Variants in ITSN1 observed in about 807,000 individuals in gnomAD.
ITSN1 encodes the protein intersectin 1.
In ITSN1, 58 loss-of-function variants were observed where a neutral mutation model predicts 239.8. That is an observed-to-expected ratio of 0.24 (90% CI 0.20 to 0.30). The LOEUF (loss-of-function observed/expected upper bound fraction) is 0.30, where lower values mean the gene tolerates loss of function less well. Among genes scored for constraint, ITSN1 ranks in the 10% least tolerant of loss-of-function variants. ITSN1 has a pLI of 1.00. For synonymous variants in ITSN1, 780 were observed against 770.8 expected, an observed-to-expected ratio of 1.01 and a Z score of -0.20; for missense variants, 1,558 against 2,103.3, an observed-to-expected ratio of 0.74 and a Z score of 5.07.
At chr21:33,664,266 A>G (rs989739229) in intron 1 of ITSN1, among the ~76,000 whole-genome samples, 11 of 152,174 alleles carry the variant, frequency 7.2e-5, no homozygotes, top group Non-Finnish European at 1.6e-4. Flanking sequence ...TGTGGATGTG[A>G]AGAAACTGGA....
At position 33,897,178 on chromosome 21, in the gene ITSN1, C is replaced by G. The variant is rs1430855353; in HGVS notation, c.*8878C>G. ...TATGTTAATGCTACTTAATTTTAGA[C>G]ATGCATTTAAAGCCTACATGGCCAA... On this transcript the variant is annotated 3_prime_UTR_variant, in exon 40 of 40. Transcript: ENST00000381318. 1.3e-5 allele frequency: 2 copies of G among 152,240 alleles called. No individual in the cohort carries two copies. The highest frequency in any genetic ancestry group is 1.9e-4 in the East Asian group (1 of 5,202). 9.4% of individuals were successfully genotyped at this position (152,240 alleles called of 1,614,324 possible).
Position 33,885,144 on chromosome 21 carries a change from G to T in ITSN1, c.4759+21G>T, listed in dbSNP as rs892381654. ...CCTGGGTAATGCATGGCCCCGCGGG[G>T]TGTCCTGCACAGCTGGGCAGGAGGG... On this transcript the variant is annotated intron_variant, in intron 37 of 39. Transcript: ENST00000381318. The T allele has an allele frequency of 1.9e-6, 3 of 1,601,674 alleles. No homozygotes were observed. The African/African-American group carries it at 4.0e-5, about 21-fold the overall frequency.
chr21:33,861,270 C>T (rs141484027), intron 31 of ITSN1, among the ~76,000 whole-genome samples: 1 of 152,042 alleles, frequency 6.6e-6, no homozygotes, highest in African/African-American at 2.4e-5. Context: ...GAGGGGAGAT[C>T]GAGGGCTCCT....
chr21:33,828,502 G>A (rs1250526214), intron 26 of ITSN1, among the ~76,000 whole-genome samples: 4 of 152,258 alleles, frequency 2.6e-5, no homozygotes, highest in African/African-American at 9.6e-5. Context: ...AACAGAATGA[G>A]AGCGGCTTGC....
At position 33,867,304 on chromosome 21, in the gene ITSN1, A is replaced by G. The variant is rs147533088; in HGVS notation, c.4146A>G (p.Val1382=). Residue 1382 remains valine, a synonymous_variant, in exon 33 of 40, where the codon GTA becomes GTG. Coordinates refer to ENST00000381318, the MANE Select transcript of ITSN1 (RefSeq NM_003024.3). ...SSFILKPMQR[V]TRYPLIIKNI... Reference sequence around the variant, plus strand: ...TTATACTGAAGCCTATGCAACGGGTAACAAGATACCCACTGATCATTAAAA... The same window carrying G: ...TTATACTGAAGCCTATGCAACGGGTGACAAGATACCCACTGATCATTAAAA... The G allele has an allele frequency of 3.9e-4, 621 of 1,607,668 alleles. 4 individuals are homozygous for G. The African/African-American group carries it at 6.4e-3, about 17-fold the overall frequency.
chr21:33,766,145 C>G (rs1448845863), intron 10 of ITSN1, 133 bp downstream of exon 10: 2 of 892,930 alleles, frequency 2.2e-6, no homozygotes, highest in South Asian at 1.7e-5. Context: ...TCTAGAGACT[C>G]TCATCTAGGT....
chr21:33,868,486 G>C (rs897950027), intron 33 of ITSN1, among the ~76,000 whole-genome samples: 1 of 152,236 alleles, frequency 6.6e-6, no homozygotes, highest in African/African-American at 2.4e-5. Context: ...AAGGCCCGCT[G>C]AGAAATCGAG....
At chr21:33,869,391 C>G (rs1456717032) in intron 33 of ITSN1, among the ~76,000 whole-genome samples, 1 of 152,224 alleles carries the variant, frequency 6.6e-6, no homozygotes, top group Non-Finnish European at 1.5e-5. Context: ...CTCACTCTCA[C>G]TAGAACAGGA....
chr21:33,763,484 C>A (rs1299831588), intron 9 of ITSN1, among the ~76,000 whole-genome samples: 1 of 152,064 alleles, frequency 6.6e-6, no homozygotes, highest in Non-Finnish European at 1.5e-5. Flanking sequence ...CATCTGTGGC[C>A]ACTACTCACT....
At chr21:33,733,823 C>G (rs1601902912) in intron 4 of ITSN1, among the ~76,000 whole-genome samples, 1 of 152,314 alleles carries the variant, frequency 6.6e-6, no homozygotes, top group Admixed American at 6.5e-5. Context: ...AAGGTTTCTG[C>G]AACCACAGAG....
Position 33,767,878 on chromosome 21 carries a change from G to A in ITSN1, c.1042+50G>A, listed in dbSNP as rs1476399140. 6.7e-6 allele frequency: 7 copies of A among 1,038,054 alleles called. No individual in the cohort carries two copies. In the African/African-American group the frequency reaches 1.1e-4, roughly 17 times the overall value. 64.3% of individuals were successfully genotyped at this position (1,038,054 alleles called of 1,614,324 possible). A position where few individuals can be genotyped will look rare whatever the true frequency, so the allele number is the denominator to read the frequency against. Reference sequence around the variant, plus strand: ...AAATCATTTAGATTAAACGAAATTAGAGATTTCCTATCTCTAAGACAAAGA... The same window carrying A: ...AAATCATTTAGATTAAACGAAATTAAAGATTTCCTATCTCTAAGACAAAGA... On this transcript the variant is annotated intron_variant, in intron 11 of 39. Transcript: ENST00000381318.
rs763048674 is a variant in ITSN1, at chr21:33,818,399, G to T, written c.2860G>T (p.Val954Phe). 6.2e-7 allele frequency: 1 copy of T among 1,614,214 alleles called. No individual in the cohort carries two copies. Among genetic ancestry groups the T allele is most frequent in the Non-Finnish European group, 8.5e-7 (1 of 1,180,042 alleles). The change falls in exon 23 of 40, where the codon GTT becomes TTT. Residue 954 changes from valine to phenylalanine, a missense_variant. By Grantham distance (50) the Val-to-Phe change is conservative (BLOSUM62 -1). Around this residue, in one of 2 missense-constraint regions of ITSN1, gnomAD observed 982 missense variants for 1,209.9 expected, o/e 0.81. Coordinates refer to ENST00000381318, the MANE Select transcript of ITSN1 (RefSeq NM_003024.3). ...GCAAGACATGTGGTGGTTTGGAGAA[G>T]TTCAAGGTCAGAAGGGTTGGTTCCC... ...EQQDMWWFGE[V>F]QGQKGWFPKS...
At chr21:33,877,319 G>C (rs1028441417) in intron 34 of ITSN1, among the ~76,000 whole-genome samples, 3 of 152,078 alleles carry the variant, frequency 2.0e-5, no homozygotes, top group African/African-American at 7.2e-5. Flanking sequence ...CTCCCAAAGT[G>C]CTGGGATTAC....
chr21:33,895,394 C>T lies in ITSN1; in HGVS notation c.*7094C>T, dbSNP rs551422508. The T allele has an allele frequency of 1.7e-4, 26 of 152,080 alleles. No individual in the cohort carries two copies. Among genetic ancestry groups the T allele is most frequent in the Non-Finnish European group, 3.4e-4 (23 of 68,184 alleles). 9.4% of individuals were successfully genotyped at this position (152,080 alleles called of 1,614,324 possible). A position where few individuals can be genotyped will look rare whatever the true frequency, so the allele number is the denominator to read the frequency against. ...AATTTTTGTTGGTGGGACGCAGCAGCTCAGTGCGTGGTGTGTGCATGCGTG... is the reference window on the plus strand; with the variant it reads ...AATTTTTGTTGGTGGGACGCAGCAGTTCAGTGCGTGGTGTGTGCATGCGTG... On this transcript the variant is annotated 3_prime_UTR_variant, in exon 40 of 40. Coordinates refer to ENST00000381318, the MANE Select transcript of ITSN1 (RefSeq NM_003024.3).
At chr21:33,669,712 A>C (rs565011575) in intron 1 of ITSN1, among the ~76,000 whole-genome samples, 85 of 152,128 alleles carry the variant, frequency 5.6e-4, no homozygotes, top group African/African-American at 2.0e-3. Context: ...AAGTGCTGGG[A>C]TTACAGGCGT....
intron 29 of ITSN1, among the ~76,000 whole-genome samples, chr21:33,853,758 C>A (rs957592211): frequency 2.0e-5 from 3 of 152,208 alleles, no homozygotes; most frequent in African/African-American, 7.2e-5. Flanking sequence ...TTTAGCAGCC[C>A]TGGCCAGCCT....
intron 11 of ITSN1, among the ~76,000 whole-genome samples, chr21:33,770,018 A>T (rs947820956): frequency 1.3e-5 from 2 of 150,728 alleles, no homozygotes; most frequent in African/African-American, 4.9e-5. Context: ...TTTTATAAGG[A>T]TATTAATTTA....
chr21:33,762,490 C>G (rs1238137086), intron 9 of ITSN1, among the ~76,000 whole-genome samples: 1 of 151,968 alleles, frequency 6.6e-6, no homozygotes, highest in Non-Finnish European at 1.5e-5. Context: ...GTCTTGAACT[C>G]CCAACCTCAG....
At chr21:33,750,051 A>G in intron 5 of ITSN1, 92 bp from the exon 6 acceptor site, 1 of 1,160,702 alleles carries the variant, frequency 8.6e-7, no homozygotes, top group Non-Finnish European at 1.3e-6. Flanking sequence ...ACAGCTGGAA[A>G]GTGATTTTCT....
Sources: gnomAD v4.1 joint callset for allele counts (sites outside exome capture counted in the v4.1 genomes callset) on GRCh38, gnomAD v4.1.1 for gene constraint, gnomAD v4.1.1 regional missense constraint, MANE v1.5 for transcripts, NCBI Gene and HGNC (gene_info 2026-07-23, HGNC 2026-07-21) for gene names.